The following DTNA variants were observed in gnomAD, a reference collection of about 807,000 sequenced individuals.
DTNA encodes the protein dystrobrevin alpha, also known as dystrophin-related protein 3.
DTNA carries 43 observed loss-of-function variants against 100.7 expected under a neutral mutation model. The observed-to-expected ratio is 0.43, with a 90% CI of 0.33 to 0.55. The LOEUF (loss-of-function observed/expected upper bound fraction) is 0.55. DTNA is among the 20% of genes least tolerant of loss of function. DTNA has a pLI of 0.04. For missense variants in DTNA, 798 were observed against 953.9 expected (o/e 0.84, Z 2.15); for synonymous variants, 349 against 347.9 (o/e 1.00, Z -0.04).
chr18:34,824,407 C>T (rs1382410691), intron 9 of DTNA, among the ~76,000 whole-genome samples: 1 of 151,382 alleles, frequency 6.6e-6, no homozygotes, highest in African/African-American at 2.4e-5. Context: ...ACCAGGGAGG[C>T]GGAGGTTGCA....
chr18:34,505,280 G>A (rs147969329), intron 1 of DTNA, among the ~76,000 whole-genome samples: 208 of 152,094 alleles, frequency 1.4e-3, no homozygotes, highest in African/African-American at 4.7e-3. Context: ...ACTTTTCTGC[G>A]GCCAGATTTA....
intron 1 of DTNA, among the ~76,000 whole-genome samples, chr18:34,723,475 A>G (rs977171422): frequency 6.6e-6 from 1 of 152,272 alleles, no homozygotes; most frequent in African/African-American, 2.4e-5. Flanking sequence ...AATAATTTAT[A>G]TATTGTATAT....
intron 2 of DTNA, among the ~76,000 whole-genome samples, chr18:34,761,808 T>C (rs1428553487): frequency 6.6e-6 from 1 of 152,210 alleles, no homozygotes; most frequent in Non-Finnish European, 1.5e-5. Context: ...CATCCCCCAC[T>C]GTATTAGTAT....
chr18:34,759,296 C>T (rs1450383361), intron 2 of DTNA, among the ~76,000 whole-genome samples: 1 of 152,166 alleles, frequency 6.6e-6, no homozygotes, highest in African/African-American at 2.4e-5. Context: ...ATTGTTTGTT[C>T]TTGGAATTAA....
chr18:34,855,404 T>G (rs946943888), intron 15 of DTNA, among the ~76,000 whole-genome samples: 2 of 152,120 alleles, frequency 1.3e-5, no homozygotes, highest in African/African-American at 4.8e-5. Context: ...AGATAGATGG[T>G]TCCAGAAATA....
intron 1 of DTNA, among the ~76,000 whole-genome samples, chr18:34,568,338 G>A (rs1445245108): frequency 6.6e-6 from 1 of 152,114 alleles, no homozygotes; most frequent in African/African-American, 2.4e-5. Flanking sequence ...ATTTGAGAGA[G>A]ATTTTTACTG....
rs190440389 is a variant in DTNA, at chr18:34,635,962, T to C, written c.-1-120014T>C. Among the ~76,000 whole-genome samples, 370 of 152,112 alleles carry C rather than the reference T, an allele frequency of 2.4e-3. 2 individuals are homozygous for C. Among genetic ancestry groups the C allele is most frequent in the Non-Finnish European group, 3.8e-3 (258 of 67,972 alleles). On this transcript the variant is annotated intron_variant, in intron 1 of 19. Transcript: ENST00000283365. ...AGATTGAATAACCATAGTTTGTCTG[T>C]CAGTCTTCTTTCACTTAAAATGATG...
chr18:34,537,195 G>A (rs1184280069), intron 1 of DTNA, among the ~76,000 whole-genome samples: 1 of 151,820 alleles, frequency 6.6e-6, no homozygotes, highest in Non-Finnish European at 1.5e-5. Context: ...GCTAATGGGG[G>A]CTTAGATAAA....
intron 1 of DTNA, among the ~76,000 whole-genome samples, chr18:34,684,589 A>C (rs2078604039): frequency 6.6e-6 from 1 of 152,128 alleles, no homozygotes; most frequent in African/African-American, 2.4e-5. Flanking sequence ...GCTTTTGTGA[A>C]TAGTGCTGCA....
intron 17 of DTNA, chr18:34,866,341 A>G (rs2096704077): frequency 7.0e-6 from 10 of 1,428,518 alleles, no homozygotes; most frequent in Non-Finnish European, 8.2e-6. Flanking sequence ...ATCCACATCA[A>G]AAGAAGAACT....
At position 34,879,511 on chromosome 18, in the gene DTNA, C is replaced by T. The variant is rs376786159; in HGVS notation, c.1994-40C>T. ...CTTTATTTGCAGGTCATAAAAAAAT[C>T]TAACGAGTCATTCTTTATTTCTTCA... is the stretch of plus-strand genomic sequence containing the variant. On this transcript the variant is annotated intron_variant, in intron 19 of 22. Transcript: ENST00000444659. The T allele has an allele frequency of 4.7e-5, 76 of 1,609,490 alleles. No individual in the cohort carries two copies. The African/African-American group carries it at 1.0e-3, about 21-fold the overall frequency.
chr18:34,660,035 C>CT (rs1472922357), intron 1 of DTNA, among the ~76,000 whole-genome samples: 1 of 152,146 alleles, frequency 6.6e-6, no homozygotes, highest in Non-Finnish European at 1.5e-5. Flanking sequence ...TTTAAATTAT[C>CT]TGAGTGTACC....
intron 1 of DTNA, among the ~76,000 whole-genome samples, chr18:34,738,929 T>C (rs964949684): frequency 3.3e-5 from 5 of 152,182 alleles, no homozygotes; most frequent in Admixed American, 6.5e-5. Context: ...ACTTTTATTT[T>C]AGATTCAGAG....
chr18:34,839,006 A>G lies in DTNA; in HGVS notation c.1346+169A>G, dbSNP rs115382126. On this transcript the variant is annotated intron_variant, in intron 13 of 22. Coordinates refer to ENST00000444659, the MANE Select transcript of DTNA (RefSeq NM_001386795.1). ...CGTGATGTTAGTTTGGATACTTCCC[A>G]TGAAGGAACCATAGGATTCATATCC... Among the ~76,000 whole-genome samples the G allele has an allele frequency of 8.3e-3, 1,261 of 152,304 alleles. 19 individuals are homozygous for G. The highest frequency in any genetic ancestry group is 0.027 in the African/African-American group (1,135 of 41,560).
rs148710026 is a variant in DTNA, at chr18:34,776,162, T to C, written c.148+10121T>C. Among the ~76,000 whole-genome samples, 47 of 152,250 alleles carry C rather than the reference T, an allele frequency of 3.1e-4. No individual in the cohort carries two copies. In the East Asian group the frequency reaches 6.8e-3, roughly 22 times the overall value. On this transcript the variant is annotated intron_variant, in intron 3 of 22. Transcript: ENST00000444659. The stretch of plus-strand genomic sequence containing the variant: ...CTATTTACCGAAAACTTTTCCCTTA[T>C]CAAGTTCCAAGTCCCTTATCATCAT...
intron 1 of DTNA, among the ~76,000 whole-genome samples, chr18:34,610,678 G>A (rs1486865758): frequency 6.6e-6 from 1 of 152,098 alleles, no homozygotes; most frequent in Non-Finnish European, 1.5e-5. Flanking sequence ...AATAATATGT[G>A]GCCTTTTATG....
chr18:34,586,107 G>A (rs1484825274), intron 1 of DTNA, among the ~76,000 whole-genome samples: 1 of 152,158 alleles, frequency 6.6e-6, no homozygotes. Flanking sequence ...ATGTTTCAGT[G>A]AACTATTTCC....
At chr18:34,593,118 T>C (rs527645869) in intron 1 of DTNA, among the ~76,000 whole-genome samples, 2 of 152,262 alleles carry the variant, frequency 1.3e-5, no homozygotes, top group African/African-American at 4.8e-5. Flanking sequence ...TCCAAGTGTT[T>C]CCGTAATATC....
chr18:34,682,255 A>G (rs547747485), intron 1 of DTNA, among the ~76,000 whole-genome samples: 6 of 152,344 alleles, frequency 3.9e-5, no homozygotes, highest in Admixed American at 2.6e-4. Context: ...TAAAGCTGCT[A>G]TAAACATCAT....
Sources: allele counts gnomAD v4.1 joint callset (sites outside exome capture counted in the v4.1 genomes callset), GRCh38; gene constraint gnomAD v4.1.1; transcripts MANE v1.5; gene names NCBI Gene and HGNC (gene_info 2026-07-23, HGNC 2026-07-21).